The following TANC1 variants were observed in gnomAD, a reference collection of about 807,000 sequenced individuals.
TANC1 encodes tetratricopeptide repeat, ankyrin repeat and coiled-coil containing 1, also known as protein TANC1.
In TANC1, 77 loss-of-function variants were observed where a neutral mutation model predicts 149.7. The observed-to-expected ratio is 0.51, with a 90% CI of 0.43 to 0.62. TANC1 has a LOEUF of 0.62. Among genes scored for constraint, TANC1 ranks in the 20% least tolerant of loss-of-function variants. The pLI is 0.00. For synonymous variants in TANC1, 854 were observed against 925.0 expected (o/e 0.92, Z 1.39); for missense variants, 1,985 against 2,321.8 (o/e 0.85, Z 2.98).
chr2:159,090,399 T>C (rs1256378358), intron 3 of TANC1, among the ~76,000 whole-genome samples: 3 of 152,218 alleles, frequency 2.0e-5, no homozygotes, highest in African/African-American at 7.2e-5. Context: ...ACCTTCTTGC[T>C]TCTGTGGCTC....
intron 5 of TANC1, among the ~76,000 whole-genome samples, chr2:159,144,713 T>C (rs367717872): frequency 2.0e-5 from 3 of 152,142 alleles, no homozygotes; most frequent in East Asian, 3.8e-4. Context: ...CCTTTTTAAA[T>C]ACTGTTTTTG....
chr2:158,980,664 A>G (rs796447973), intron 1 of TANC1, among the ~76,000 whole-genome samples: 2 of 151,716 alleles, frequency 1.3e-5, no homozygotes, highest in African/African-American at 2.4e-5. Context: ...AGTCCCAGCT[A>G]CTCAGGAGGC....
intron 3 of TANC1, 101 bp from the exon 4 acceptor site, chr2:159,097,536 A>T (rs2046260906): frequency 2.2e-6 from 2 of 910,662 alleles, no homozygotes; most frequent in Admixed American, 4.1e-5. Context: ...CACATCTGAT[A>T]TGTGGGAATT....
intron 7 of TANC1, among the ~76,000 whole-genome samples, chr2:159,152,480 T>TG (rs924018747): frequency 6.6e-6 from 1 of 151,564 alleles, no homozygotes; most frequent in Non-Finnish European, 1.5e-5. Context: ...TTTTTTTTTT[T>TG]TTTTGCTTTG....
chr2:159,123,476 C>T (rs1478653448), intron 4 of TANC1, among the ~76,000 whole-genome samples: 3 of 151,990 alleles, frequency 2.0e-5, no homozygotes, highest in African/African-American at 7.2e-5. Context: ...CTGGGACCCA[C>T]GCTCCCCTCA....
At chr2:159,122,131 T>C (rs975629879) in intron 4 of TANC1, among the ~76,000 whole-genome samples, 1 of 152,102 alleles carries the variant, frequency 6.6e-6, no homozygotes, top group African/African-American at 2.4e-5. Flanking sequence ...AGAGACAGGG[T>C]TTCACCATAT....
chr2:159,190,869 G>T (rs1357715974), intron 16 of TANC1, among the ~76,000 whole-genome samples: 1 of 152,188 alleles, frequency 6.6e-6, no homozygotes, highest in Admixed American at 6.5e-5. Flanking sequence ...TATTAATGTT[G>T]TAGCATAATG....
chr2:159,147,517 A>G (rs976644414), intron 5 of TANC1: 4 of 152,330 alleles, frequency 2.6e-5, no homozygotes, highest in Non-Finnish European at 5.9e-5. Context: ...CTCCTTTCCC[A>G]AACGCCCAGC....
intron 2 of TANC1, among the ~76,000 whole-genome samples, chr2:159,031,987 C>T (rs531951086): frequency 6.6e-5 from 10 of 152,294 alleles, no homozygotes; most frequent in Admixed American, 2.6e-4. Flanking sequence ...ACTACAGAAA[C>T]GCTTAGGCTG....
chr2:159,194,400 C>T lies in TANC1; in HGVS notation c.2886C>T (p.Asp962=), dbSNP rs200783758. ...TCCTGGAATTTGGTGCCTGCCTGGA[C>T]GGAACGTCAGAGAACGGCATGACTG... ...TLLLEFGACL[D]GTSENGMTAL... The change falls in exon 17 of 27, where the codon GAC becomes GAT. Residue 962 remains aspartate, a synonymous_variant. Transcript: ENST00000263635. 6.4e-5 allele frequency: 103 copies of T among 1,614,272 alleles called. No individual in the cohort carries two copies. Among genetic ancestry groups the T allele is most frequent in the East Asian group, 2.5e-4 (11 of 44,890 alleles).
In TANC1 at chr2:159,163,480, G is replaced by C; in HGVS notation, c.880G>C (p.Asp294His). The change falls in exon 8 of 27, where the codon GAT becomes CAT. Residue 294 changes from aspartate (D) to histidine (H), a missense_variant. Physicochemically the swap from Asp to His is moderately conservative, Grantham distance 81 (BLOSUM62 -1). Transcript: ENST00000263635. ...GCCCAAAGCAGAATCCTCAGCTGGA[G>C]ATGGTCCAGTCCCTTATTCTCAGGG... is the stretch of plus-strand genomic sequence containing the variant. ...TLPKAESSAG[D>H]GPVPYSQGSS... 6.2e-7 allele frequency: 1 copy of C among 1,613,774 alleles called. No homozygotes were observed. The highest frequency in any genetic ancestry group is 8.5e-7 in the Non-Finnish European group (1 of 1,179,996).
intron 4 of TANC1, among the ~76,000 whole-genome samples, chr2:159,099,581 G>A (rs940294048): frequency 5.3e-5 from 8 of 151,224 alleles, no homozygotes; most frequent in African/African-American, 1.5e-4. Context: ...TCCTAGGTCT[G>A]TGTGTGTGTG....
rs752657429 is a variant in TANC1 at position 159,229,976 on chromosome 2, C to T, written c.4550C>T (p.Pro1517Leu). The T allele has an allele frequency of 1.2e-6, 2 of 1,614,062 alleles. No individual in the cohort carries two copies. Among genetic ancestry groups the T allele is most frequent in the South Asian group, 1.1e-5 (1 of 91,088 alleles). The change falls in exon 27 of 27, where the codon CCT (proline) becomes CTT (leucine). Residue 1517 changes from proline to leucine, a missense_variant. Around this residue, in one of 3 missense-constraint regions of TANC1, gnomAD observed 920 missense variants for 994.7 expected, o/e 0.92. Coordinates refer to ENST00000263635, the MANE Select transcript of TANC1 (RefSeq NM_033394.3). ...RAGIGKSLRE[P>L]VAQPGLLLQP... The stretch of plus-strand genomic sequence containing the variant: ...GGAATCGGCAAGTCCCTGAGAGAGC[C>T]TGTGGCCCAGCCAGGGCTGCTCCTG...
chr2:159,170,791 G>C lies in TANC1; in HGVS notation c.1337G>C (p.Gly446Ala). The C allele has an allele frequency of 6.2e-7, 1 of 1,613,804 alleles. No individual in the cohort carries two copies. Among genetic ancestry groups the C allele is most frequent in the Non-Finnish European group, 8.5e-7 (1 of 1,179,694 alleles). ...AGGCAGATTGCTTCCAACAGCCCGG[G>C]TTCATCACCTAAAAGTACGTGCATG... is the stretch of plus-strand genomic sequence containing the variant. The part of the protein sequence containing the change: ...RMRQIASNSP[G>A]SSPKTSDPTQ... Residue 446 changes from glycine to alanine, a missense_variant, in exon 10 of 27, where the codon GGT becomes GCT. Coordinates refer to ENST00000263635, the MANE Select transcript of TANC1 (RefSeq NM_033394.3).
intron 2 of TANC1, among the ~76,000 whole-genome samples, chr2:159,039,611 C>T (rs1191427494): frequency 2.6e-5 from 4 of 152,144 alleles, no homozygotes; most frequent in Non-Finnish European, 5.9e-5. Context: ...GTTATTTACC[C>T]GGTACTCATT....
chr2:158,998,785 A>C (rs914334253), intron 1 of TANC1, among the ~76,000 whole-genome samples: 1 of 152,200 alleles, frequency 6.6e-6, no homozygotes, highest in African/African-American at 2.4e-5. Flanking sequence ...CTAAAGTTGT[A>C]ATAATGTAGA....
At chr2:159,096,151 T>TG (rs2046104318) in intron 3 of TANC1, among the ~76,000 whole-genome samples, 1 of 152,184 alleles carries the variant, frequency 6.6e-6, no homozygotes, top group African/African-American at 2.4e-5. Flanking sequence ...AAGATGCTTT[T>TG]TAAGAAGCAG....
At chr2:159,159,323 C>T (rs1013389419) in intron 7 of TANC1, among the ~76,000 whole-genome samples, 1 of 151,752 alleles carries the variant, frequency 6.6e-6, no homozygotes, top group African/African-American at 2.4e-5. Flanking sequence ...CCTGTAGTCC[C>T]AGCTACTTAG....
intron 2 of TANC1, among the ~76,000 whole-genome samples, chr2:159,063,454 A>T (rs2042412700): frequency 6.6e-6 from 1 of 152,290 alleles, no homozygotes; most frequent in Admixed American, 6.5e-5. Context: ...TGAAACTTCC[A>T]GGTGACTTTG....
Sources: allele counts gnomAD v4.1 joint callset (sites outside exome capture counted in the v4.1 genomes callset), GRCh38; gene constraint gnomAD v4.1.1; regional missense constraint gnomAD v4.1.1; transcripts MANE v1.5; gene names NCBI Gene and HGNC (gene_info 2026-07-23, HGNC 2026-07-21).